Variants in WWOX observed in about 807,000 individuals in gnomAD.
WWOX encodes WW domain-containing oxidoreductase.
Under a neutral mutation model 46.2 loss-of-function variants are expected in WWOX, and 69 were observed. The observed-to-expected ratio is 1.49, with a 90% CI of 1.23 to 1.82. WWOX has a LOEUF of 1.82. WWOX is among the 40% of genes most tolerant of loss of function. The pLI is 0.00. For missense variants in WWOX, 919 were observed against 542.6 expected (o/e 1.69, Z -6.89); for synonymous variants, 359 against 202.6 (o/e 1.77, Z -6.56).
intron 6 of WWOX, among the ~76,000 whole-genome samples, chr16:78,424,545 C>G (rs2083030673): frequency 6.6e-6 from 1 of 152,196 alleles, no homozygotes; most frequent in Middle Eastern, 3.2e-3. Context: ...GTGGTTGAAC[C>G]TGAGTTCCAA....
chr16:78,585,686 TG>T (rs537197983), intron 8 of WWOX, among the ~76,000 whole-genome samples: 2 of 144,604 alleles, frequency 1.4e-5, no homozygotes, highest in South Asian at 2.2e-4. Context: ...TTTTTTTTTT[TG>T]TTTTTTTTTG....
intron 8 of WWOX, among the ~76,000 whole-genome samples, chr16:78,700,297 T>C (rs2048184990): frequency 6.8e-6 from 1 of 147,528 alleles, no homozygotes; most frequent in Non-Finnish European, 1.5e-5. Flanking sequence ...TCTTGCTGTG[T>C]CCTCACTTAG....
intron 8 of WWOX, among the ~76,000 whole-genome samples, chr16:79,100,504 G>T (rs571424314): frequency 6.6e-6 from 1 of 152,214 alleles, no homozygotes; most frequent in South Asian, 2.1e-4. Flanking sequence ...GACCAATGAA[G>T]TAGAACAAGA....
At chr16:79,164,528 C>G (rs1384060781) in intron 8 of WWOX, among the ~76,000 whole-genome samples, 1 of 152,126 alleles carries the variant, frequency 6.6e-6, no homozygotes, top group Non-Finnish European at 1.5e-5. Context: ...GCGCTGTTAT[C>G]AGGACCTTCT....
At chr16:78,632,350 C>T (rs138426155) in intron 8 of WWOX, among the ~76,000 whole-genome samples, 3 of 152,132 alleles carry the variant, frequency 2.0e-5, no homozygotes, top group Non-Finnish European at 4.4e-5. Context: ...TCAGCATGCC[C>T]AAAGTATCAG....
At chr16:78,497,781 G>C (rs577669426) in intron 8 of WWOX, among the ~76,000 whole-genome samples, 2 of 151,288 alleles carry the variant, frequency 1.3e-5, no homozygotes, top group Non-Finnish European at 2.9e-5. Flanking sequence ...ACCCTTAGCT[G>C]TTTTTCACAA....
intron 8 of WWOX, among the ~76,000 whole-genome samples, chr16:78,919,908 A>T (rs1217960897): frequency 6.6e-6 from 1 of 152,158 alleles, no homozygotes; most frequent in Non-Finnish European, 1.5e-5. Context: ...TAGATATATT[A>T]ATGACCACTT....
intron 8 of WWOX, among the ~76,000 whole-genome samples, chr16:78,812,493 G>C (rs1408491143): frequency 1.3e-5 from 2 of 152,206 alleles, no homozygotes; most frequent in South Asian, 4.1e-4. Context: ...AGGCCGAGGT[G>C]GACGGATCAC....
Position 78,435,497 on chromosome 16 carries a change from C to T in WWOX, c.1056+2745C>T, listed in dbSNP as rs114530980. Among the ~76,000 whole-genome samples, 625 of 152,244 alleles carry T rather than the reference C, an allele frequency of 4.1e-3. 4 individuals carry two copies. Among genetic ancestry groups the T allele is most frequent in the African/African-American group, 0.015 (603 of 41,546 alleles). ...TAACTGCGCACTGAGCTTTAGATCC[C>T]TGAGTGAGAAAGCTGTGGGAAAATG... On this transcript the variant is annotated intron_variant, in intron 8 of 8. Transcript: ENST00000566780.
chr16:78,622,447 CTTA>C (rs912139120), intron 8 of WWOX, among the ~76,000 whole-genome samples: 16 of 151,718 alleles, frequency 1.1e-4, no homozygotes, highest in African/African-American at 3.4e-4. Flanking sequence ...GAGGCTGAGA[CTTA>C]AGAATCGCTT....
chr16:78,709,556 A>G (rs546321959), intron 8 of WWOX, among the ~76,000 whole-genome samples: 20 of 152,146 alleles, frequency 1.3e-4, no homozygotes, highest in African/African-American at 4.8e-4. Context: ...ATCTTCCTGA[A>G]CACTTGCCTG....
intron 8 of WWOX, among the ~76,000 whole-genome samples, chr16:78,475,553 T>C (rs926196784): frequency 6.6e-6 from 1 of 152,208 alleles, no homozygotes; most frequent in Non-Finnish European, 1.5e-5. Context: ...ATGACTTTCA[T>C]CTTGATGGAC....
At chr16:79,025,071 C>G (rs573547968) in intron 8 of WWOX, among the ~76,000 whole-genome samples, 5 of 152,172 alleles carry the variant, frequency 3.3e-5, no homozygotes, top group African/African-American at 1.2e-4. Flanking sequence ...GAGTCCCTCC[C>G]TCCCCATTCC....
intron 6 of WWOX, among the ~76,000 whole-genome samples, chr16:78,420,291 T>C (rs1242251855): frequency 6.6e-6 from 1 of 152,116 alleles, no homozygotes; most frequent in African/African-American, 2.4e-5. Flanking sequence ...AATGAAAACA[T>C]GCATTTCCAT....
chr16:78,606,030 G>A (rs898406612), intron 8 of WWOX, among the ~76,000 whole-genome samples: 2 of 152,132 alleles, frequency 1.3e-5, no homozygotes, highest in African/African-American at 4.8e-5. Context: ...ATATATACTA[G>A]TTAGGAGACA....
chr16:78,918,877 C>G (rs2045312347), intron 8 of WWOX, among the ~76,000 whole-genome samples: 1 of 152,148 alleles, frequency 6.6e-6, no homozygotes, highest in Non-Finnish European at 1.5e-5. Context: ...AGCACTTTCT[C>G]TTGTCTTTTC....
chr16:78,419,256 C>T (rs1023691131), intron 6 of WWOX, among the ~76,000 whole-genome samples: 1 of 152,100 alleles, frequency 6.6e-6, no homozygotes, highest in Non-Finnish European at 1.5e-5. Context: ...ATTAAAATTT[C>T]AGTTGACTTT....
At chr16:78,122,912 A>G (rs538033545) in intron 4 of WWOX, among the ~76,000 whole-genome samples, 2 of 152,216 alleles carry the variant, frequency 1.3e-5, no homozygotes, top group East Asian at 3.9e-4. Context: ...GGGGTGTTGT[A>G]CATATTTCCT....
rs190405764 is a variant in WWOX, at chr16:78,365,432, G to T, written c.517-21428G>T. 3.9e-5 allele frequency among the ~76,000 whole-genome samples: 6 copies of T among 152,180 alleles called. 1 individual carries two copies. Reference sequence around the variant, plus strand: ...CTTGCTAGGGTTCTTGGCACACAGAGCATCCCACCAATAAACTGTGGTTCC... The same window carrying T: ...CTTGCTAGGGTTCTTGGCACACAGATCATCCCACCAATAAACTGTGGTTCC... On this transcript the variant is annotated intron_variant, in intron 5 of 8. Coordinates refer to ENST00000566780, the MANE Select transcript of WWOX (RefSeq NM_016373.4).
Sources: gnomAD v4.1 joint callset for allele counts (sites outside exome capture counted in the v4.1 genomes callset) on GRCh38, gnomAD v4.1.1 for gene constraint, MANE v1.5 for transcripts, NCBI Gene and HGNC (gene_info 2026-07-23, HGNC 2026-07-21) for gene names.